CRPPA: variants seen among roughly 807,000 people sequenced by gnomAD.
CRPPA encodes D-ribitol-5-phosphate cytidylyltransferase.
In CRPPA, 43 loss-of-function variants were observed where a neutral mutation model predicts 52.0. The ratio of observed to expected loss-of-function variants is 0.83; its 90% CI spans 0.65 to 1.07. CRPPA has a LOEUF of 1.07. Ranked by LOEUF, CRPPA falls within the 50% of genes least tolerant of loss-of-function variation. CRPPA has a pLI of 0.00. For synonymous variants in CRPPA, 250 were observed against 203.5 expected, an observed-to-expected ratio of 1.23 and a Z score of -1.94; for missense variants, 629 against 551.7, an observed-to-expected ratio of 1.14 and a Z score of -1.40.
intron 9 of CRPPA, among the ~76,000 whole-genome samples, chr7:16,215,068 A>C (rs993219804): frequency 1.3e-5 from 2 of 152,268 alleles, no homozygotes; most frequent in African/African-American, 4.8e-5. Context: ...ATTAGCTAAA[A>C]GATGGTCCTT....
intron 8 of CRPPA, among the ~76,000 whole-genome samples, chr7:16,217,316 G>C (rs1481609900): frequency 2.0e-5 from 3 of 152,086 alleles, no homozygotes; most frequent in South Asian, 2.1e-4. Context: ...AACACCAAAA[G>C]TAGATAAAAC....
At chr7:16,365,430 A>G (rs1786566110) in intron 3 of CRPPA, among the ~76,000 whole-genome samples, 2 of 152,236 alleles carry the variant, frequency 1.3e-5, no homozygotes, top group South Asian at 4.1e-4. Context: ...CTAAGGCTCT[A>G]TTTGCTAGGG....
At chr7:16,142,985 G>C (rs1782902900) in intron 9 of CRPPA, among the ~76,000 whole-genome samples, 2 of 152,186 alleles carry the variant, frequency 1.3e-5, no homozygotes, top group Admixed American at 6.5e-5. Flanking sequence ...AGGTAGGGTT[G>C]GCAGTTTTAT....
chr7:16,147,861 C>T (rs1248937046), intron 9 of CRPPA, among the ~76,000 whole-genome samples: 1 of 152,134 alleles, frequency 6.6e-6, no homozygotes, highest in African/African-American at 2.4e-5. Flanking sequence ...CTAGTACCAA[C>T]TATGTGTCAG....
At chr7:16,365,334 T>C (rs1367019928) in intron 3 of CRPPA, among the ~76,000 whole-genome samples, 1 of 152,136 alleles carries the variant, frequency 6.6e-6, no homozygotes, top group Non-Finnish European at 1.5e-5. Flanking sequence ...TCTGGATATG[T>C]CCCCATGTGA....
At chr7:16,376,625 G>T (rs888678480) in intron 2 of CRPPA, among the ~76,000 whole-genome samples, 6 of 152,122 alleles carry the variant, frequency 3.9e-5, no homozygotes, top group Admixed American at 6.5e-5. Flanking sequence ...ATACCCTCAG[G>T]AGAGTTACAT....
intron 1 of CRPPA, among the ~76,000 whole-genome samples, chr7:16,418,811 G>T (rs1316247813): frequency 6.6e-6 from 1 of 152,124 alleles, no homozygotes; most frequent in Non-Finnish European, 1.5e-5. Context: ...TTTGGGTGGA[G>T]ACACAGCCAA....
intron 3 of CRPPA, among the ~76,000 whole-genome samples, chr7:16,349,552 C>T (rs1786095285): frequency 6.6e-6 from 1 of 151,996 alleles, no homozygotes; most frequent in Non-Finnish European, 1.5e-5. Context: ...AATGCAAAAA[C>T]TGATAATTTC....
At chr7:16,246,115 A>C (rs896241304) in intron 8 of CRPPA, among the ~76,000 whole-genome samples, 5 of 152,142 alleles carry the variant, frequency 3.3e-5, no homozygotes, top group African/African-American at 1.2e-4. Flanking sequence ...TTTCTTTCAA[A>C]GTTGGACTTA....
intron 6 of CRPPA, chr7:16,266,405 G>A (rs1351406510): frequency 6.6e-6 from 1 of 151,854 alleles, no homozygotes; most frequent in East Asian, 1.9e-4. Flanking sequence ...ACCATGGAAT[G>A]GAAAATGACA....
chr7:16,202,991 T>C (rs1341176532), intron 9 of CRPPA, among the ~76,000 whole-genome samples: 1 of 152,166 alleles, frequency 6.6e-6, no homozygotes, highest in South Asian at 2.1e-4. Context: ...ATCCCAAGTT[T>C]TAGAATTATT....
At chr7:16,191,983 C>T (rs940845380) in intron 9 of CRPPA, among the ~76,000 whole-genome samples, 3 of 152,078 alleles carry the variant, frequency 2.0e-5, no homozygotes, top group African/African-American at 4.8e-5. Flanking sequence ...CAATGCCTGG[C>T]ATAGTGAATT....
chr7:16,216,201 C>A lies in CRPPA; in HGVS notation c.1120-4G>T. The A allele has an allele frequency of 6.5e-7, 1 of 1,548,496 alleles. No homozygotes were observed. Among genetic ancestry groups the A allele is most frequent in the Non-Finnish European group, 8.8e-7 (1 of 1,136,006 alleles). ...ATTTAAAATCAAGAAAATGAACCTG[C>A]AAAATATAAAAGACAGTATTTAGAA... On this transcript the variant is annotated splice_region_variant and splice_polypyrimidine_tract_variant and intron_variant, in intron 8 of 9. Transcript: ENST00000407010.
intron 9 of CRPPA, among the ~76,000 whole-genome samples, chr7:16,096,214 T>C (rs535866827): frequency 6.6e-6 from 1 of 152,120 alleles, no homozygotes; most frequent in South Asian, 2.1e-4. Flanking sequence ...TTTATAATGT[T>C]TTGCACTCAA....
chr7:16,333,572 A>T (rs1785608264), intron 3 of CRPPA, among the ~76,000 whole-genome samples: 1 of 152,242 alleles, frequency 6.6e-6, no homozygotes, highest in South Asian at 2.1e-4. Flanking sequence ...AGTTTATAAA[A>T]TTAAATGCAT....
rs185269115 is a variant in CRPPA, at chr7:16,386,998, C to T, written c.535-10757G>A. Among the ~76,000 whole-genome samples the T allele has an allele frequency of 1.6e-3, 219 of 137,532 alleles. 1 individual carries two copies. Among genetic ancestry groups the T allele is most frequent in the Middle Eastern group, 4.6e-3 (1 of 216 alleles). 90.2% of individuals were successfully genotyped at this position (137,532 alleles called of 152,430 possible). A position where few individuals can be genotyped will look rare whatever the true frequency, so the allele number is the denominator to read the frequency against. The stretch of plus-strand genomic sequence containing the variant: ...TTGTGCCATTACACTCCAGCCTGGG[C>T]GATAGAGACTATCTCAAAAATATTT... On this transcript the variant is annotated intron_variant, in intron 2 of 9. Coordinates refer to ENST00000407010, the MANE Select transcript of CRPPA (RefSeq NM_001101426.4).
chr7:16,390,278 T>C (rs1209964233), intron 2 of CRPPA, among the ~76,000 whole-genome samples: 1 of 152,108 alleles, frequency 6.6e-6, no homozygotes, highest in East Asian at 1.9e-4. Flanking sequence ...ATCAATTCTT[T>C]CGATATATAT....
At chr7:16,245,892 T>C (rs1056168208) in intron 8 of CRPPA, among the ~76,000 whole-genome samples, 1 of 152,148 alleles carries the variant, frequency 6.6e-6, no homozygotes, top group African/African-American at 2.4e-5. Flanking sequence ...AAAATCCTAA[T>C]GAACATTTGA....
At chr7:16,167,964 C>T (rs1036079794) in intron 9 of CRPPA, among the ~76,000 whole-genome samples, 3 of 152,128 alleles carry the variant, frequency 2.0e-5, no homozygotes, top group South Asian at 2.1e-4. Context: ...TGTGTAAATA[C>T]GCAAATACTT....
Sources: allele counts gnomAD v4.1 joint callset (sites outside exome capture counted in the v4.1 genomes callset), GRCh38; gene constraint gnomAD v4.1.1; transcripts MANE v1.5; gene names NCBI Gene and HGNC (gene_info 2026-07-23, HGNC 2026-07-21).